BAG2: variants seen among roughly 807,000 people sequenced by gnomAD.
The protein encoded by BAG2 is BAG cochaperone 2, also known as BAG family molecular chaperone regulator 2.
Under a neutral mutation model 16.4 loss-of-function variants are expected in BAG2, and 8 were observed. The ratio of observed to expected loss-of-function variants is 0.49; its 90% CI spans 0.29 to 0.88. BAG2 has a LOEUF of 0.88. Ranked by LOEUF, BAG2 falls within the 40% of genes least tolerant of loss-of-function variation. The pLI is 0.09. For missense variants in BAG2, 218 were observed against 248.9 expected, an observed-to-expected ratio of 0.88 and a Z score of 0.84; for synonymous variants, 82 against 89.2, an observed-to-expected ratio of 0.92 and a Z score of 0.46.
Position 57,189,242 on chromosome 6 carries a change from G to A in BAG2, c.*5052G>A, listed in dbSNP as rs535074574. On this transcript the variant is annotated 3_prime_UTR_variant, in exon 3 of 3. Coordinates refer to ENST00000370693, the MANE Select transcript of BAG2 (RefSeq NM_004282.4). ...TGGGACTGACAGCTCTTGAGAAAGTGCTATACAAACAAGGTTATAGAAATG... is the reference window on the plus strand; with the variant it reads ...TGGGACTGACAGCTCTTGAGAAAGTACTATACAAACAAGGTTATAGAAATG... 2.0e-5 allele frequency: 3 copies of A among 152,240 alleles called. No individual in the cohort carries two copies. The highest frequency in any genetic ancestry group is 7.2e-5 in the African/African-American group (3 of 41,536). The allele number at this position is 152,240 out of a possible 1,614,324, so 9.4% of individuals were successfully genotyped here.
chr6:57,174,296 AAG>A, intron 1 of BAG2: 1 of 1,302,954 alleles, frequency 7.7e-7, no homozygotes. Context: ...CTTAGCCAGA[AAG>A]AAAAGTTTTC....
intron 2 of BAG2, 50 bp downstream of exon 2, chr6:57,182,191 A>C (rs939844616): frequency 6.5e-7 from 1 of 1,526,832 alleles, no homozygotes. Flanking sequence ...TCCTTTAAAG[A>C]GTTTATGATA....
chr6:57,172,680 C>G lies in BAG2; in HGVS notation c.-18C>G. 2.0e-6 allele frequency: 3 copies of G among 1,515,128 alleles called. No homozygotes were observed. Among genetic ancestry groups the G allele is most frequent in the Non-Finnish European group, 2.7e-6 (3 of 1,129,368 alleles). The allele number at this position is 1,515,128 out of a possible 1,614,324, so 93.9% of individuals were successfully genotyped here. A position where few individuals can be genotyped will look rare whatever the true frequency, so the allele number is the denominator to read the frequency against. ...GAGGGGCCGGTGACCTCTTGGCTAC[C>G]CCGCGTCGGAGGCTTAGATGGCTCA... On this transcript the variant is annotated 5_prime_UTR_variant, in exon 1 of 3. Coordinates refer to ENST00000370693, the MANE Select transcript of BAG2 (RefSeq NM_004282.4).
At position 57,188,233 on chromosome 6, in the gene BAG2, A is replaced by C. The variant is rs940934891; in HGVS notation, c.*4043A>C. ...AAGGCTTTAAGAATTGATTAAATTGAGAAATTAACATGGCTGACTTTCAGG... is the reference window on the plus strand; with the variant it reads ...AAGGCTTTAAGAATTGATTAAATTGCGAAATTAACATGGCTGACTTTCAGG... On this transcript the variant is annotated 3_prime_UTR_variant, in exon 3 of 3. Transcript: ENST00000370693. 6.6e-6 allele frequency: 1 copy of C among 152,206 alleles called. No individual in the cohort carries two copies. The highest frequency in any genetic ancestry group is 1.5e-5 in the Non-Finnish European group (1 of 68,014). The allele number at this position is 152,206 out of a possible 1,614,324, so 9.4% of individuals were successfully genotyped here.
intron 1 of BAG2, among the ~76,000 whole-genome samples, chr6:57,179,765 G>A (rs1764386241): frequency 6.6e-6 from 1 of 151,892 alleles, no homozygotes; most frequent in Non-Finnish European, 1.5e-5. Flanking sequence ...GTTTTTTAGT[G>A]ACTGGGTATA....
intron 1 of BAG2, among the ~76,000 whole-genome samples, chr6:57,176,602 AT>A (rs1764292032): frequency 2.0e-5 from 3 of 152,280 alleles, no homozygotes; most frequent in African/African-American, 7.2e-5. Context: ...CCCAAAACTT[AT>A]AACACAGTGG....
Position 57,182,131 on chromosome 6 carries a change from G to C in BAG2, c.213G>C (p.Gln71His). 1 of 1,613,880 alleles carries C rather than the reference G, an allele frequency of 6.2e-7. No individual in the cohort carries two copies. The highest frequency in any genetic ancestry group is 8.5e-7 in the Non-Finnish European group (1 of 1,179,822). The change falls in exon 2 of 3, where the codon CAG becomes CAC. Residue 71 changes from glutamine to histidine, a missense_variant. Physicochemically the swap from Gln to His is conservative, Grantham distance 24. This residue lies in a region of BAG2 where 30 missense variants were observed against 57.8 expected (regional missense o/e 0.52). Transcript: ENST00000370693. ...TCCAAAATAGCCAGGACATGAGGCA[G>C]ATCAGTGACGGTGAGAGCCATCTCC... Reference protein sequence around the residue: ...HSIQNSQDMRQISDGEREELN... With the variant: ...HSIQNSQDMRHISDGEREELN...
At chr6:57,182,590 C>T (rs1431316896) in intron 2 of BAG2, among the ~76,000 whole-genome samples, 1 of 148,798 alleles carries the variant, frequency 6.7e-6, no homozygotes. Flanking sequence ...GGACAAAATG[C>T]AGAGAAAATG....
At position 57,184,184 on chromosome 6, in the gene BAG2, C is replaced by G. The variant is rs747522849; in HGVS notation, c.630C>G (p.Phe210Leu). Residue 210 changes from phenylalanine to leucine, a missense_variant, in exon 3 of 3, where the codon TTC becomes TTG. By Grantham distance (22) the Phe-to-Leu change is conservative. Around this residue, in one of 3 missense-constraint regions of BAG2, gnomAD observed 113 missense variants for 128.0 expected, o/e 0.88. Transcript: ENST00000370693. ...KTLQQNAESR[F>L]N is the part of the protein sequence containing the mutation. Reference sequence around the variant, plus strand: ...TGCAACAAAATGCTGAAAGCAGATTCAATTAGTCTTCAAACCTAAGAGCAT... The same window carrying G: ...TGCAACAAAATGCTGAAAGCAGATTGAATTAGTCTTCAAACCTAAGAGCAT... 2.0e-6 allele frequency: 3 copies of G among 1,538,110 alleles called. No homozygotes were observed. The highest frequency in any genetic ancestry group is 2.6e-6 in the Non-Finnish European group (3 of 1,151,948).
At position 57,183,893 on chromosome 6, in the gene BAG2, C is replaced by T. The variant is rs1422160195; in HGVS notation, c.339C>T (p.Ala113=). The part of the protein sequence containing the change: ...NPQQQESLKH[A]TRIIDEVVNK... ...AGCAGCAAGAATCCCTAAAGCATGC[C>T]ACAAGGATTATTGATGAGGTGGTCA... is the stretch of plus-strand genomic sequence containing the variant. Residue 113 remains alanine, a synonymous_variant, in exon 3 of 3, where the codon GCC becomes GCT. Transcript: ENST00000370693. The T allele has an allele frequency of 5.0e-6, 8 of 1,614,020 alleles. No homozygotes were observed. The highest frequency in any genetic ancestry group is 6.8e-6 in the Non-Finnish European group (8 of 1,179,994).
Position 57,187,633 on chromosome 6 carries a change from T to TAA in BAG2, c.*3446_*3447dup, listed in dbSNP as rs1235838798. On this transcript the variant is annotated 3_prime_UTR_variant, in exon 3 of 3. Transcript: ENST00000370693. ...GCTAATAATTAACAATATCTTATAT[T>TAA]AAAAGGGTCCAACACTAAGTTGGGA... The TAA allele has an allele frequency of 6.6e-6, 1 of 152,174 alleles. No individual in the cohort carries two copies. The highest frequency in any genetic ancestry group is 2.4e-5 in the African/African-American group (1 of 41,448). 9.4% of individuals were successfully genotyped at this position (152,174 alleles called of 1,614,324 possible). A position where few individuals can be genotyped will look rare whatever the true frequency, so the allele number is the denominator to read the frequency against.
At chr6:57,176,347 T>C (rs572948480) in intron 1 of BAG2, among the ~76,000 whole-genome samples, 16 of 152,294 alleles carry the variant, frequency 1.1e-4, no homozygotes, top group Non-Finnish European at 1.2e-4. Context: ...GCCTGAATTT[T>C]CTTAAATATA....
intron 2 of BAG2, 79 bp downstream of exon 2, chr6:57,182,220 C>T: frequency 1.5e-6 from 2 of 1,348,992 alleles, no homozygotes; most frequent in Non-Finnish European, 2.1e-6. Context: ...TCAATTTTTG[C>T]TTGACTTTTG....
At chr6:57,174,099 A>T in intron 1 of BAG2, 1 of 675,296 alleles carries the variant, frequency 1.5e-6, no homozygotes, top group Non-Finnish European at 1.9e-6. Flanking sequence ...TTTTCACAAT[A>T]CTGGCAAACC....
At position 57,185,092 on chromosome 6, in the gene BAG2, G is replaced by T. The variant is rs1269123472; in HGVS notation, c.*902G>T. ...TTTCTCTGTATAAAGGCCCAGCAGT[G>T]AATTATATTGGGTCAAAGGATATAG... On this transcript the variant is annotated 3_prime_UTR_variant, in exon 3 of 3. Coordinates refer to ENST00000370693, the MANE Select transcript of BAG2 (RefSeq NM_004282.4). 6.6e-6 allele frequency: 1 copy of T among 152,054 alleles called. No homozygotes were observed. Among genetic ancestry groups the T allele is most frequent in the African/African-American group, 2.4e-5 (1 of 41,408 alleles). 9.4% of individuals were successfully genotyped at this position (152,054 alleles called of 1,614,324 possible). A position where few individuals can be genotyped will look rare whatever the true frequency, so the allele number is the denominator to read the frequency against.
chr6:57,183,626 ACATTT>A, intron 2 of BAG2, 147 bp from the exon 3 acceptor site: 1 of 601,180 alleles, frequency 1.7e-6, no homozygotes, highest in Non-Finnish European at 2.7e-6. Flanking sequence ...GTAATCTAAT[ACATTT>A]CATCAGTTAA....
chr6:57,182,199 A>G (rs1764468187), intron 2 of BAG2, 58 bp downstream of exon 2: 4 of 1,503,050 alleles, frequency 2.7e-6, no homozygotes, highest in East Asian at 2.3e-5. Context: ...AGAGTTTATG[A>G]TAAGTGTGGG....
In BAG2 at chr6:57,187,631, A is replaced by C. The variant is rs1182713257; in HGVS notation, c.*3441A>C. On this transcript the variant is annotated 3_prime_UTR_variant, in exon 3 of 3. Coordinates refer to ENST00000370693, the MANE Select transcript of BAG2 (RefSeq NM_004282.4). ...ATGCTAATAATTAACAATATCTTAT[A>C]TTAAAAGGGTCCAACACTAAGTTGG... 1 of 152,192 alleles carries C rather than the reference A, an allele frequency of 6.6e-6. No homozygotes were observed. Among genetic ancestry groups the C allele is most frequent in the Non-Finnish European group, 1.5e-5 (1 of 68,030 alleles). The allele number at this position is 152,192 out of a possible 1,614,324, so 9.4% of individuals were successfully genotyped here.
intron 1 of BAG2, among the ~76,000 whole-genome samples, chr6:57,176,455 T>C (rs1355177120): frequency 6.6e-6 from 1 of 152,216 alleles, no homozygotes; most frequent in African/African-American, 2.4e-5. Context: ...TCAGTGGATA[T>C]TGAACACCCA....
Sources: allele counts gnomAD v4.1 joint callset (sites outside exome capture counted in the v4.1 genomes callset), GRCh38; gene constraint gnomAD v4.1.1; regional missense constraint gnomAD v4.1.1; transcripts MANE v1.5; gene names NCBI Gene and HGNC (gene_info 2026-07-23, HGNC 2026-07-21).